The following NXPH1 variants were observed in gnomAD, a reference collection of about 807,000 sequenced individuals.
The protein encoded by NXPH1 is neurexophilin-1.
NXPH1 carries 5 observed loss-of-function variants against 23.7 expected under a neutral mutation model. The observed-to-expected ratio is 0.21, with a 90% CI of 0.11 to 0.44. The LOEUF (loss-of-function observed/expected upper bound fraction) is 0.44, where lower values mean the gene tolerates loss of function less well. Among genes scored for constraint, NXPH1 ranks in the 20% least tolerant of loss-of-function variants. The pLI is 0.99. For missense variants in NXPH1, 324 were observed against 321.6 expected, an observed-to-expected ratio of 1.01 and a Z score of -0.06; for synonymous variants, 144 against 122.2, an observed-to-expected ratio of 1.18 and a Z score of -1.18.
At chr7:8,589,818 A>G (rs1265466967) in intron 2 of NXPH1, among the ~76,000 whole-genome samples, 1 of 152,040 alleles carries the variant, frequency 6.6e-6, no homozygotes, top group East Asian at 1.9e-4. Flanking sequence ...CATCCAGTAG[A>G]TAGATAGCCA....
chr7:8,675,066 G>A (rs1444608204), intron 2 of NXPH1, among the ~76,000 whole-genome samples: 1 of 152,136 alleles, frequency 6.6e-6, no homozygotes, highest in Non-Finnish European at 1.5e-5. Flanking sequence ...AATAGAACAA[G>A]GGGTAGGCTA....
At chr7:8,518,675 G>A (rs943593814) in intron 2 of NXPH1, among the ~76,000 whole-genome samples, 2 of 151,968 alleles carry the variant, frequency 1.3e-5, no homozygotes, top group African/African-American at 2.4e-5. Flanking sequence ...TTGTAGAGAT[G>A]AGGTCTTCCT....
At chr7:8,549,205 G>C (rs1409650191) in intron 2 of NXPH1, among the ~76,000 whole-genome samples, 1 of 151,476 alleles carries the variant, frequency 6.6e-6, no homozygotes, top group Non-Finnish European at 1.5e-5. Context: ...TATGATTCCA[G>C]ATCCCACTAG....
At chr7:8,508,840 G>A (rs1817569761) in intron 2 of NXPH1, among the ~76,000 whole-genome samples, 1 of 152,018 alleles carries the variant, frequency 6.6e-6, no homozygotes, top group South Asian at 2.1e-4. Context: ...TTAGGGTCTT[G>A]TAAAAGGAAA....
At chr7:8,448,688 A>G (rs1441102209) in intron 2 of NXPH1, among the ~76,000 whole-genome samples, 1 of 152,120 alleles carries the variant, frequency 6.6e-6, no homozygotes, top group Non-Finnish European at 1.5e-5. Flanking sequence ...GTGGCGGCAC[A>G]TGCCTGTAGT....
At chr7:8,708,169 T>C (rs1379167756) in intron 2 of NXPH1, among the ~76,000 whole-genome samples, 1 of 152,146 alleles carries the variant, frequency 6.6e-6, no homozygotes, top group Non-Finnish European at 1.5e-5. Context: ...TCTTAATTCT[T>C]TTCTTCACTC....
chr7:8,624,532 G>C (rs1313768151), intron 2 of NXPH1, among the ~76,000 whole-genome samples: 1 of 152,060 alleles, frequency 6.6e-6, no homozygotes, highest in Non-Finnish European at 1.5e-5. Flanking sequence ...AGTGAGGAGA[G>C]CAAAGCAGAC....
intron 2 of NXPH1, among the ~76,000 whole-genome samples, chr7:8,628,612 A>G (rs1820050356): frequency 6.6e-6 from 1 of 151,996 alleles, no homozygotes; most frequent in Admixed American, 6.6e-5. Flanking sequence ...ACTGGGGGGT[A>G]TGAAAGAAAT....
intron 2 of NXPH1, among the ~76,000 whole-genome samples, chr7:8,703,609 T>C (rs77704142): frequency 0.012 from 1,802 of 152,202 alleles, 29 homozygotes; most frequent in African/African-American, 0.041. Context: ...CTATGGTTGA[T>C]TGAAATGAAG....
At chr7:8,584,086 T>C (rs1336869033) in intron 2 of NXPH1, among the ~76,000 whole-genome samples, 1 of 152,218 alleles carries the variant, frequency 6.6e-6, no homozygotes, top group Admixed American at 6.5e-5. Flanking sequence ...TTACAGATAT[T>C]AACTCAATTA....
intron 2 of NXPH1, among the ~76,000 whole-genome samples, chr7:8,678,814 A>C (rs1245760400): frequency 6.6e-6 from 1 of 151,446 alleles, no homozygotes; most frequent in African/African-American, 2.4e-5. Context: ...GTTTATGTAG[A>C]GTGGTCCCAC....
At chr7:8,702,421 T>G (rs1294641033) in intron 2 of NXPH1, among the ~76,000 whole-genome samples, 2 of 152,138 alleles carry the variant, frequency 1.3e-5, no homozygotes, top group Non-Finnish European at 2.9e-5. Flanking sequence ...GCTAAGCTTC[T>G]GATGTCCTAT....
chr7:8,747,677 A>C (rs1026386927), intron 2 of NXPH1, among the ~76,000 whole-genome samples: 1 of 152,236 alleles, frequency 6.6e-6, no homozygotes, highest in Admixed American at 6.5e-5. Flanking sequence ...TTTTATACTG[A>C]GGCATAAATG....
At chr7:8,711,372 G>T (rs1779792715) in intron 2 of NXPH1, among the ~76,000 whole-genome samples, 1 of 152,184 alleles carries the variant, frequency 6.6e-6, no homozygotes, top group African/African-American at 2.4e-5. Flanking sequence ...TTTTTTTCAT[G>T]AAAGGATTTA....
chr7:8,519,588 G>A (rs1293783254), intron 2 of NXPH1, among the ~76,000 whole-genome samples: 2 of 152,128 alleles, frequency 1.3e-5, no homozygotes, highest in African/African-American at 2.4e-5. Context: ...TTTTTGCTGT[G>A]AAATTGAATT....
intron 2 of NXPH1, among the ~76,000 whole-genome samples, chr7:8,616,764 A>G (rs1819747654): frequency 6.6e-6 from 1 of 151,122 alleles, no homozygotes; most frequent in African/African-American, 2.4e-5. Flanking sequence ...TGGATCATAC[A>G]GTTATAAAGA....
chr7:8,556,986 A>T lies in NXPH1; in HGVS notation c.54+121219A>T, dbSNP rs149903907. Reference sequence around the variant, plus strand: ...ACCTTGCTCAAGGTCATAACCATTAAGAGGCAAAGGCAGGATATGAATTGA... The same window carrying T: ...ACCTTGCTCAAGGTCATAACCATTATGAGGCAAAGGCAGGATATGAATTGA... On this transcript the variant is annotated intron_variant, in intron 2 of 2. Coordinates refer to ENST00000405863, the MANE Select transcript of NXPH1 (RefSeq NM_152745.3). 1.7e-3 allele frequency among the ~76,000 whole-genome samples: 253 copies of T among 151,832 alleles called. 2 individuals carry two copies. The highest frequency in any genetic ancestry group is 5.7e-3 in the African/African-American group (237 of 41,506).
At chr7:8,677,927 A>G (rs1820979108) in intron 2 of NXPH1, among the ~76,000 whole-genome samples, 1 of 141,528 alleles carries the variant, frequency 7.1e-6, no homozygotes, top group Non-Finnish European at 1.5e-5. Flanking sequence ...GTGTTTACAT[A>G]TATATAAACA....
At chr7:8,677,366 A>G (rs1236596759) in intron 2 of NXPH1, among the ~76,000 whole-genome samples, 1 of 152,252 alleles carries the variant, frequency 6.6e-6, no homozygotes, top group Non-Finnish European at 1.5e-5. Flanking sequence ...ATGTGAATAA[A>G]GAAATAATGG....
Sources: allele counts gnomAD v4.1 joint callset (sites outside exome capture counted in the v4.1 genomes callset), GRCh38; gene constraint gnomAD v4.1.1; transcripts MANE v1.5; gene names NCBI Gene and HGNC (gene_info 2026-07-23, HGNC 2026-07-21).